Variants in HECW1 observed in about 807,000 individuals in gnomAD.
HECW1 encodes the protein E3 ubiquitin-protein ligase HECW1.
Under a neutral mutation model 182.3 loss-of-function variants are expected in HECW1, and 61 were observed. That is an observed-to-expected ratio of 0.33 (90% CI 0.27 to 0.41). HECW1 has a LOEUF of 0.41. Among genes scored for constraint, HECW1 ranks in the 10% least tolerant of loss-of-function variants. HECW1 has a pLI of 1.00. For missense variants in HECW1, 1,739 were observed against 2,108.9 expected (o/e 0.82, Z 3.44); for synonymous variants, 859 against 832.6 (o/e 1.03, Z -0.55).
At chr7:43,272,069 C>A (rs1347726561) in intron 3 of HECW1, among the ~76,000 whole-genome samples, 1 of 151,844 alleles carries the variant, frequency 6.6e-6, no homozygotes, top group African/African-American at 2.4e-5. Flanking sequence ...TAATCTCCAA[C>A]AAAATTGACA....
At chr7:43,341,284 A>G (rs918700654) in intron 5 of HECW1, among the ~76,000 whole-genome samples, 9 of 151,398 alleles carry the variant, frequency 5.9e-5, no homozygotes, top group African/African-American at 2.2e-4. Flanking sequence ...CATTGTGCAC[A>G]TGTACCCTAG....
chr7:43,379,236 G>A (rs932848357), intron 6 of HECW1, among the ~76,000 whole-genome samples: 16 of 152,170 alleles, frequency 1.1e-4, no homozygotes, highest in African/African-American at 3.9e-4. Context: ...CCTCTCTGAT[G>A]TGGAGAGAAG....
chr7:43,385,055 C>G (rs2074711817), intron 6 of HECW1, among the ~76,000 whole-genome samples: 1 of 151,986 alleles, frequency 6.6e-6, no homozygotes. Context: ...ACAATAATTA[C>G]AAGGAGTTTC....
At chr7:43,130,391 A>T (rs1293552983) in intron 2 of HECW1, among the ~76,000 whole-genome samples, 1 of 152,172 alleles carries the variant, frequency 6.6e-6, no homozygotes, top group Non-Finnish European at 1.5e-5. Flanking sequence ...AATATTTTTG[A>T]TAATTTTATA....
At chr7:43,530,164 G>A (rs2080924470) in intron 24 of HECW1, among the ~76,000 whole-genome samples, 1 of 145,168 alleles carries the variant, frequency 6.9e-6, no homozygotes, top group Non-Finnish European at 1.5e-5. Flanking sequence ...CACCACATTG[G>A]CCAGGCTGGT....
rs552484216 is a variant in HECW1 at position 43,381,582 on chromosome 7, G to A, written c.556-15232G>A. 8.6e-5 allele frequency among the ~76,000 whole-genome samples: 13 copies of A among 150,902 alleles called. No individual in the cohort carries two copies. In the South Asian group the frequency reaches 1.2e-3, roughly 14 times the overall value. ...CCGCTCACTGCAACCTCCACCTCCCGGGTGATTCTCCTGTCTCCTGTCTCG... is the reference window on the plus strand; with the variant it reads ...CCGCTCACTGCAACCTCCACCTCCCAGGTGATTCTCCTGTCTCCTGTCTCG... On this transcript the variant is annotated intron_variant, in intron 6 of 29. Transcript: ENST00000395891.
At chr7:43,278,236 A>G (rs922548050) in intron 3 of HECW1, among the ~76,000 whole-genome samples, 3 of 151,912 alleles carry the variant, frequency 2.0e-5, no homozygotes, top group Non-Finnish European at 4.4e-5. Context: ...AGCCATTTCA[A>G]TCTTCCTCAT....
At chr7:43,198,741 C>T (rs1347509806) in intron 2 of HECW1, among the ~76,000 whole-genome samples, 1 of 151,050 alleles carries the variant, frequency 6.6e-6, no homozygotes, top group Non-Finnish European at 1.5e-5. Context: ...ACACCCCACA[C>T]TCTCACACAC....
intron 2 of HECW1, among the ~76,000 whole-genome samples, chr7:43,209,638 C>T (rs762726189): frequency 2.6e-5 from 4 of 152,254 alleles, no homozygotes; most frequent in Admixed American, 6.5e-5. Flanking sequence ...AGCCAGGCTA[C>T]AACTGGGTAA....
chr7:43,516,531 C>A (rs940019309), intron 24 of HECW1, among the ~76,000 whole-genome samples: 4 of 152,186 alleles, frequency 2.6e-5, no homozygotes, highest in African/African-American at 9.6e-5. Context: ...ACTGGAAATT[C>A]TTTTTGTCCC....
intron 2 of HECW1, among the ~76,000 whole-genome samples, chr7:43,125,581 C>T (rs1786125391): frequency 6.6e-6 from 1 of 150,638 alleles, no homozygotes; most frequent in Middle Eastern, 3.2e-3. Context: ...ATGGTGAAAC[C>T]TCGTCTGTAC....
At chr7:43,402,005 G>A (rs1475950278) in intron 7 of HECW1, among the ~76,000 whole-genome samples, 2 of 152,020 alleles carry the variant, frequency 1.3e-5, no homozygotes, top group African/African-American at 4.8e-5. Context: ...GTTGGGGAAG[G>A]TCGAAGAGGA....
chr7:43,234,519 T>TG (rs397937624), intron 2 of HECW1, among the ~76,000 whole-genome samples: 7 of 152,212 alleles, frequency 4.6e-5, no homozygotes, highest in African/African-American at 1.7e-4. Flanking sequence ...CCTTTTTTTT[T>TG]GCCTGGAATA....
chr7:43,368,421 G>A (rs892534395), intron 6 of HECW1, among the ~76,000 whole-genome samples: 1 of 152,154 alleles, frequency 6.6e-6, no homozygotes, highest in Non-Finnish European at 1.5e-5. Context: ...TCATAAATGT[G>A]TCTCCTGCAA....
At chr7:43,297,148 C>T (rs1806152961) in intron 3 of HECW1, among the ~76,000 whole-genome samples, 2 of 152,092 alleles carry the variant, frequency 1.3e-5, no homozygotes, top group Non-Finnish European at 2.9e-5. Context: ...TTGTTTTGAC[C>T]TGAGAACAGA....
rs1584961434 is a variant in HECW1 at position 43,456,189 on chromosome 7, T to A, written c.2501-108T>A. 2.6e-6 allele frequency: 3 copies of A among 1,160,170 alleles called. No individual in the cohort carries two copies. The East Asian group carries it at 7.4e-5, about 29-fold the overall frequency. The allele number at this position is 1,160,170 out of a possible 1,614,324, so 71.9% of individuals were successfully genotyped here. The stretch of plus-strand genomic sequence containing the variant: ...GTGGGCAGGGTCTGGCCTGCAGCCA[T>A]GAACCAATGGTGAGTTCTACCTGCA... On this transcript the variant is annotated intron_variant, in intron 12 of 29. Transcript: ENST00000395891.
chr7:43,429,288 G>GCA, intron 8 of HECW1, among the ~76,000 whole-genome samples: 1 of 85,338 alleles, frequency 1.2e-5, no homozygotes, highest in South Asian at 4.2e-4. Flanking sequence ...TATATTATAT[G>GCA]CATATATATA....
At chr7:43,469,467 C>T (rs1223533308) in intron 16 of HECW1, among the ~76,000 whole-genome samples, 3 of 152,160 alleles carry the variant, frequency 2.0e-5, no homozygotes, top group Non-Finnish European at 4.4e-5. Context: ...GGTTGTTTGC[C>T]TCCTTAGACA....
intron 26 of HECW1, among the ~76,000 whole-genome samples, chr7:43,542,499 A>G (rs896866389): frequency 6.6e-6 from 1 of 151,238 alleles, no homozygotes; most frequent in Non-Finnish European, 1.5e-5. Context: ...TTAAAGCTGA[A>G]AAATATTTCA....
Sources: gnomAD v4.1 joint callset for allele counts (sites outside exome capture counted in the v4.1 genomes callset) on GRCh38, gnomAD v4.1.1 for gene constraint, MANE v1.5 for transcripts, NCBI Gene and HGNC (gene_info 2026-07-23, HGNC 2026-07-21) for gene names.